The following MRPL19 variants were observed in gnomAD, a reference collection of about 807,000 sequenced individuals.
MRPL19 encodes large ribosomal subunit protein bL19m.
A neutral mutation model predicts 34.0 loss-of-function variants in MRPL19; 31 were observed. That is an observed-to-expected ratio of 0.91 (90% CI 0.68 to 1.23). MRPL19 has a LOEUF of 1.23. MRPL19 is among the 50% of genes most tolerant of loss of function. The pLI, the probability that MRPL19 is intolerant of heterozygous loss-of-function variation, is 0.00. For missense variants in MRPL19, 384 were observed against 367.6 expected (o/e 1.04, Z -0.37); for synonymous variants, 152 against 127.7 (o/e 1.19, Z -1.28).
intron 4 of MRPL19, among the ~76,000 whole-genome samples, chr2:75,653,400 G>C (rs1295746581): frequency 2.0e-5 from 3 of 152,228 alleles, no homozygotes; most frequent in Admixed American, 6.5e-5. Flanking sequence ...CCTTGTAATA[G>C]AAGTAAATGA....
At position 75,652,535 on chromosome 2, in the gene MRPL19, G is replaced by T. The variant is rs190537239; in HGVS notation, c.353G>T (p.Arg118Leu). 6 of 1,611,566 alleles carry T rather than the reference G, an allele frequency of 3.7e-6. No homozygotes were observed. The African/African-American group carries it at 6.7e-5, about 18-fold the overall frequency. The change falls in exon 4 of 6, where the codon CGT becomes CTT. Residue 118 changes from arginine to leucine, a missense_variant. Arg to Leu is a moderately radical substitution (Grantham distance 102, BLOSUM62 -2). Transcript: ENST00000393909. The stretch of plus-strand genomic sequence containing the variant: ...TTTGAATTTGTAGGAAGTATTCTTC[G>T]TGTTACTACAGCTGACCCATATGCC... ...IPEFYVGSIL[R>L]VTTADPYASG...
rs1678545641 is a variant in MRPL19 at position 75,659,293 on chromosome 2, T to G, written c.*4008T>G. Among the ~76,000 whole-genome samples the G allele has an allele frequency of 2.6e-5, 4 of 152,154 alleles. No homozygotes were observed. The South Asian group carries it at 8.3e-4, about 32-fold the overall frequency. ...TACAAAATCTCTACTCCTGTAAAGC[T>G]CTGCCCCTGCCCCCCTTATGTTATT... On this transcript the variant is annotated 3_prime_UTR_variant, in exon 6 of 6. Transcript: ENST00000393909.
At position 75,658,875 on chromosome 2, in the gene MRPL19, T is replaced by C. The variant is rs1678532577; in HGVS notation, c.*3590T>C. On this transcript the variant is annotated 3_prime_UTR_variant, in exon 6 of 6. Transcript: ENST00000393909. ...AAAAAATTTTTGCACAGAGTATCTT[T>C]TTCTATGTGTTCCATGTATTTGTGT... is the stretch of plus-strand genomic sequence containing the variant. Among the ~76,000 whole-genome samples the C allele has an allele frequency of 6.6e-6, 1 of 151,226 alleles. No homozygotes were observed.
At chr2:75,653,996 GTC>G (rs944845444) in intron 4 of MRPL19, among the ~76,000 whole-genome samples, 5 of 152,202 alleles carry the variant, frequency 3.3e-5, no homozygotes, top group African/African-American at 1.2e-4. Flanking sequence ...CATTTGTGCA[GTC>G]TCTCTGGTTT....
chr2:75,650,350 C>T (rs1678305971), intron 2 of MRPL19, among the ~76,000 whole-genome samples: 2 of 152,176 alleles, frequency 1.3e-5, no homozygotes, highest in African/African-American at 4.8e-5. Flanking sequence ...ACAATTTTCA[C>T]ATAGCTTCAT....
Position 75,660,587 on chromosome 2 carries a change from CTTCT to C in MRPL19, c.*5303_*5306del, listed in dbSNP as rs1390062887. On this transcript the variant is annotated 3_prime_UTR_variant, in exon 6 of 6. Transcript: ENST00000393909. ...AACTATTTTTGCAAAGACTGTATTC[CTTCT>C]GTGTGTCATCACTGAAGTCTCTGTT... 1 of 152,124 alleles carries C rather than the reference CTTCT, an allele frequency of 6.6e-6. No individual in the cohort carries two copies. Among genetic ancestry groups the C allele is most frequent in the Non-Finnish European group, 1.5e-5 (1 of 68,038 alleles). The allele number at this position is 152,124 out of a possible 1,614,324, so 9.4% of individuals were successfully genotyped here.
In MRPL19 at chr2:75,655,395, C is replaced by T. The variant is rs1678426652; in HGVS notation, c.*110C>T. On this transcript the variant is annotated 3_prime_UTR_variant, in exon 6 of 6. Transcript: ENST00000393909. ...GAACATAGTAATTAAGTGAACTAAG[C>T]ATTCATTGTTTTATTAATACTTTTT... 5.3e-6 allele frequency: 4 copies of T among 759,142 alleles called. No individual in the cohort carries two copies. The East Asian group carries it at 8.4e-5, about 16-fold the overall frequency. The allele number at this position is 759,142 out of a possible 1,614,324, so 47.0% of individuals were successfully genotyped here.
chr2:75,652,471 T>C, intron 3 of MRPL19, 52 bp from the exon 4 acceptor site: 1 of 1,585,212 alleles, frequency 6.3e-7, no homozygotes. Flanking sequence ...TAAAGTTTAC[T>C]TCTCAGCTGG....
chr2:75,650,718 G>C (rs972534342), intron 2 of MRPL19, among the ~76,000 whole-genome samples: 1 of 152,196 alleles, frequency 6.6e-6, no homozygotes, highest in Non-Finnish European at 1.5e-5. Flanking sequence ...TATAGGAAGA[G>C]CGGTAAACAG....
At chr2:75,651,484 A>G (rs1387269879) in intron 2 of MRPL19, 2 of 525,878 alleles carry the variant, frequency 3.8e-6, no homozygotes, top group Non-Finnish European at 7.7e-6. Flanking sequence ...GCAGTCATAT[A>G]CCATCTCAGT....
chr2:75,647,247 G>A, intron 2 of MRPL19, 28 bp downstream of exon 2: 2 of 1,555,190 alleles, frequency 1.3e-6, no homozygotes, highest in Non-Finnish European at 1.7e-6. Context: ...CGCTAGGCCG[G>A]CAACTGGGGT....
chr2:75,657,365 G>A lies in MRPL19; in HGVS notation c.*2080G>A, dbSNP rs1161784212. On this transcript the variant is annotated 3_prime_UTR_variant, in exon 6 of 6. Transcript: ENST00000393909. ...AATAGAGGCTTCCAATCTCCTTCCT[G>A]GAGGGGTCTGTCCAGGAAGGAGATT... 2.0e-5 allele frequency: 3 copies of A among 152,002 alleles called. No homozygotes were observed. Among genetic ancestry groups the A allele is most frequent in the African/African-American group, 7.2e-5 (3 of 41,418 alleles). The allele number at this position is 152,002 out of a possible 1,614,324, so 9.4% of individuals were successfully genotyped here.
At chr2:75,652,290 A>C in intron 3 of MRPL19, 30 bp downstream of exon 3, 1 of 1,434,754 alleles carries the variant, frequency 7.0e-7, no homozygotes, top group Non-Finnish European at 9.6e-7. Context: ...TTTTATTATT[A>C]GTAATTAGGA....
At chr2:75,651,979 T>A in intron 2 of MRPL19, 163 bp from the exon 3 acceptor site, 1 of 481,384 alleles carries the variant, frequency 2.1e-6, no homozygotes, top group Non-Finnish European at 3.7e-6. Context: ...AATTGTTAGC[T>A]ATTTTCATGA....
rs1397457615 is a variant in MRPL19, at chr2:75,659,480, T to C, written c.*4195T>C. Among the ~76,000 whole-genome samples the C allele has an allele frequency of 6.6e-6, 1 of 152,198 alleles. No individual in the cohort carries two copies. Among genetic ancestry groups the C allele is most frequent in the Non-Finnish European group, 1.5e-5 (1 of 68,014 alleles). On this transcript the variant is annotated 3_prime_UTR_variant, in exon 6 of 6. Transcript: ENST00000393909. ...CTTATTTTGGATCCTTATTTCATTA[T>C]ATAGATTTGAGTTACTGTCTAGTGC...
In MRPL19 at chr2:75,647,165, C is replaced by T; in HGVS notation, c.167C>T (p.Pro56Leu). Reference protein sequence around the residue: ...TGPSEPGAFQPPPKPVIVDKH... With the variant: ...TGPSEPGAFQLPPKPVIVDKH... ...CCTTCCGAGCCCGGTGCGTTCCAACCGCCGCCGAAACCGGTCATCGTGGAC... is the reference window on the plus strand; with the variant it reads ...CCTTCCGAGCCCGGTGCGTTCCAACTGCCGCCGAAACCGGTCATCGTGGAC... Residue 56 changes from proline (P) to leucine (L), a missense_variant, in exon 2 of 6, where the codon CCG becomes CTG. Physicochemically the swap from Pro to Leu is moderately conservative, Grantham distance 98. Coordinates refer to ENST00000393909, the MANE Select transcript of MRPL19 (RefSeq NM_014763.4). 1.9e-6 allele frequency: 3 copies of T among 1,578,592 alleles called. No individual in the cohort carries two copies. The highest frequency in any genetic ancestry group is 2.6e-6 in the Non-Finnish European group (3 of 1,161,630).
chr2:75,650,094 A>G (rs1357182789), intron 2 of MRPL19, among the ~76,000 whole-genome samples: 2 of 152,176 alleles, frequency 1.3e-5, no homozygotes, highest in African/African-American at 4.8e-5. Context: ...GAGGAAGAGA[A>G]AGAAATTCAT....
chr2:75,651,608 A>G (rs1678333919), intron 2 of MRPL19: 2 of 386,218 alleles, frequency 5.2e-6, no homozygotes, highest in Non-Finnish European at 1.0e-5. Flanking sequence ...CAGGTCCTTC[A>G]GCACCATCTC....
Position 75,657,039 on chromosome 2 carries a change from T to A in MRPL19, c.*1754T>A, listed in dbSNP as rs536705586. 2 of 152,312 alleles carry A rather than the reference T, an allele frequency of 1.3e-5. No individual in the cohort carries two copies. The highest frequency in any genetic ancestry group is 4.8e-5 in the African/African-American group (2 of 41,574). 9.4% of individuals were successfully genotyped at this position (152,312 alleles called of 1,614,324 possible). On this transcript the variant is annotated 3_prime_UTR_variant, in exon 6 of 6. Transcript: ENST00000393909. Reference sequence around the variant, plus strand: ...CCTTTTCTTACAACCAAAAAGCCTTTATCTATGGATTTGTTCACAGATAAG... The same window carrying A: ...CCTTTTCTTACAACCAAAAAGCCTTAATCTATGGATTTGTTCACAGATAAG...
Sources: allele counts gnomAD v4.1 joint callset (sites outside exome capture counted in the v4.1 genomes callset), GRCh38; gene constraint gnomAD v4.1.1; transcripts MANE v1.5; gene names NCBI Gene and HGNC (gene_info 2026-07-23, HGNC 2026-07-21).